Variants in PLGRKT observed in about 807,000 individuals in gnomAD.
The protein encoded by PLGRKT is plasminogen receptor (KT).
PLGRKT carries 22 observed loss-of-function variants against 18.5 expected under a neutral mutation model. That is an observed-to-expected ratio of 1.19 (90% CI 0.85 to 1.70). PLGRKT has a LOEUF of 1.70. Among genes scored for constraint, PLGRKT ranks in the 40% most tolerant of loss-of-function variants. The probability of loss-of-function intolerance (pLI) is 0.00; values close to 1 mark genes in which losing one functional copy is unlikely to be tolerated. For synonymous variants in PLGRKT, 72 were observed against 52.8 expected, an observed-to-expected ratio of 1.36 and a Z score of -1.58; for missense variants, 235 against 174.4, an observed-to-expected ratio of 1.35 and a Z score of -1.96.
intron 3 of PLGRKT, among the ~76,000 whole-genome samples, chr9:5,406,449 G>A (rs967979847): frequency 3.3e-5 from 5 of 152,212 alleles, no homozygotes; most frequent in African/African-American, 9.6e-5. Flanking sequence ...ACAAGATCAT[G>A]TCCTTTGCAG....
chr9:5,374,021 T>C (rs1817579643), intron 3 of PLGRKT, among the ~76,000 whole-genome samples: 1 of 152,222 alleles, frequency 6.6e-6, no homozygotes, highest in South Asian at 2.1e-4. Context: ...CCTTTTGGTC[T>C]TCTCAGTTCC....
intron 3 of PLGRKT, among the ~76,000 whole-genome samples, chr9:5,386,509 A>C (rs986364796): frequency 2.0e-5 from 3 of 151,832 alleles, no homozygotes; most frequent in African/African-American, 7.3e-5. Context: ...CACACACAAC[A>C]AAACAATTTT....
intron 3 of PLGRKT, among the ~76,000 whole-genome samples, chr9:5,370,677 G>A (rs922327611): frequency 2.0e-5 from 3 of 152,082 alleles, no homozygotes; most frequent in Non-Finnish European, 4.4e-5. Context: ...GTTTTTATCC[G>A]AAATGAGAGT....
At chr9:5,388,234 C>T (rs1235826469) in intron 3 of PLGRKT, among the ~76,000 whole-genome samples, 3 of 151,764 alleles carry the variant, frequency 2.0e-5, no homozygotes, top group African/African-American at 4.9e-5. Flanking sequence ...TGAGACAGCA[C>T]AGTCAGAGAG....
intron 2 of PLGRKT, among the ~76,000 whole-genome samples, chr9:5,435,578 C>T (rs1220638830): frequency 6.6e-6 from 1 of 152,210 alleles, no homozygotes; most frequent in East Asian, 1.9e-4. Context: ...GATGAATGCA[C>T]AGTAGTGTCT....
At chr9:5,428,841 G>C (rs1053667713) in intron 3 of PLGRKT, among the ~76,000 whole-genome samples, 1 of 152,154 alleles carries the variant, frequency 6.6e-6, no homozygotes, top group Non-Finnish European at 1.5e-5. Flanking sequence ...TGGGACTATA[G>C]TTGTGTAACA....
intron 3 of PLGRKT, among the ~76,000 whole-genome samples, chr9:5,377,415 G>A (rs370176812): frequency 6.6e-6 from 1 of 152,160 alleles, no homozygotes; most frequent in East Asian, 1.9e-4. Flanking sequence ...AAGGAAAAAT[G>A]TAAGCAGGGA....
intron 3 of PLGRKT, among the ~76,000 whole-genome samples, chr9:5,423,249 AC>A (rs1463464834): frequency 6.6e-6 from 1 of 152,198 alleles, no homozygotes; most frequent in East Asian, 1.9e-4. Context: ...TGTGCTGTTT[AC>A]CAAAGTATCT....
At chr9:5,386,061 G>C (rs1480349442) in intron 3 of PLGRKT, among the ~76,000 whole-genome samples, 1 of 151,746 alleles carries the variant, frequency 6.6e-6, no homozygotes, top group Non-Finnish European at 1.5e-5. Context: ...GCTTCTGTGG[G>C]ACCTGAGGAC....
At chr9:5,401,143 T>G (rs12000114) in intron 3 of PLGRKT, among the ~76,000 whole-genome samples, 1,882 of 151,942 alleles carry the variant, frequency 0.012, 66 homozygotes, top group African/African-American at 0.044. Flanking sequence ...GGAATTTAAG[T>G]CTTTCATTTT....
chr9:5,381,478 A>T (rs538532750), intron 3 of PLGRKT, among the ~76,000 whole-genome samples: 2 of 152,378 alleles, frequency 1.3e-5, no homozygotes, highest in East Asian at 3.9e-4. Context: ...GGTGCACAGA[A>T]GTCAAGAACT....
At chr9:5,434,826 G>A (rs1818927808) in intron 2 of PLGRKT, among the ~76,000 whole-genome samples, 1 of 152,246 alleles carries the variant, frequency 6.6e-6, no homozygotes, top group Non-Finnish European at 1.5e-5. Context: ...CGAAGAGACA[G>A]CGACCATCGA....
intron 3 of PLGRKT, among the ~76,000 whole-genome samples, chr9:5,409,002 C>A (rs1333937032): frequency 6.6e-6 from 1 of 152,194 alleles, no homozygotes; most frequent in Non-Finnish European, 1.5e-5. Flanking sequence ...GGCTTGGGAG[C>A]CTCTTCCTAG....
At chr9:5,412,283 C>T (rs1248520194) in intron 3 of PLGRKT, among the ~76,000 whole-genome samples, 1 of 152,168 alleles carries the variant, frequency 6.6e-6, no homozygotes, top group African/African-American at 2.4e-5. Context: ...TATCTCATAT[C>T]ATATATGAGA....
At chr9:5,364,363 C>T (rs1486358613) in intron 3 of PLGRKT, among the ~76,000 whole-genome samples, 1 of 152,134 alleles carries the variant, frequency 6.6e-6, no homozygotes, top group Non-Finnish European at 1.5e-5. Context: ...TGGGAACTCT[C>T]AAAAGATTGT....
chr9:5,368,211 C>T (rs1674049446), intron 3 of PLGRKT, among the ~76,000 whole-genome samples: 1 of 152,178 alleles, frequency 6.6e-6, no homozygotes, highest in South Asian at 2.1e-4. Flanking sequence ...GACCATTTGA[C>T]CCAGCAATCC....
At position 5,408,579 on chromosome 9, in the gene PLGRKT, T is replaced by C. The variant is rs79140492; in HGVS notation, c.81+23318A>G. Among the ~76,000 whole-genome samples, 1,463 of 152,324 alleles carry C rather than the reference T, an allele frequency of 9.6e-3. 21 individuals carry two copies. Among genetic ancestry groups the C allele is most frequent in the African/African-American group, 0.034 (1,403 of 41,562 alleles). ...ATATTTAAAAGGGAGCATAAAAGTT[T>C]ACAAAATTTGTAGCATAGCCATGTG... On this transcript the variant is annotated intron_variant, in intron 3 of 5. Transcript: ENST00000223864.
At chr9:5,415,305 C>T (rs947723811) in intron 3 of PLGRKT, among the ~76,000 whole-genome samples, 3 of 152,002 alleles carry the variant, frequency 2.0e-5, no homozygotes, top group Non-Finnish European at 2.9e-5. Context: ...AAAATGTCCA[C>T]GAAAACATAT....
At chr9:5,371,836 AGCTAATAT>A (rs1353774803) in intron 3 of PLGRKT, among the ~76,000 whole-genome samples, 1 of 151,964 alleles carries the variant, frequency 6.6e-6, no homozygotes, top group Admixed American at 6.6e-5. Context: ...ATAGTATGAT[AGCTAATAT>A]TCCACTATGT....
Sources: allele counts gnomAD v4.1 joint callset (sites outside exome capture counted in the v4.1 genomes callset), GRCh38; gene constraint gnomAD v4.1.1; transcripts MANE v1.5; gene names NCBI Gene and HGNC (gene_info 2026-07-23, HGNC 2026-07-21).